NSD3: variants seen among roughly 807,000 people sequenced by gnomAD.
The protein encoded by NSD3 is histone-lysine N-methyltransferase NSD3.
A neutral mutation model predicts 160.8 loss-of-function variants in NSD3; 24 were observed. The observed-to-expected ratio is 0.15, with a 90% CI of 0.11 to 0.21. The LOEUF (loss-of-function observed/expected upper bound fraction) is 0.21, where lower values mean the gene tolerates loss of function less well. Among genes scored for constraint, NSD3 ranks in the 10% least tolerant of loss-of-function variants. NSD3 has a pLI of 1.00. For synonymous variants in NSD3, 520 were observed against 600.0 expected (o/e 0.87, Z 1.95); for missense variants, 1,157 against 1,735.9 (o/e 0.67, Z 5.93).
intron 1 of NSD3, among the ~76,000 whole-genome samples, chr8:38,370,792 T>G (rs150970278): frequency 6.6e-6 from 1 of 152,164 alleles, no homozygotes; most frequent in Admixed American, 6.5e-5. Context: ...GGATAAATTT[T>G]GGGTATGTGA....
At position 38,316,424 on chromosome 8, in the gene NSD3, C is replaced by A; in HGVS notation, c.1856-382G>T. On this transcript the variant is annotated intron_variant, in intron 9 of 23. Coordinates refer to ENST00000317025, the MANE Select transcript of NSD3 (RefSeq NM_023034.2). This position sits in a 1 kb window ranked among gnomAD's most constrained non-coding sequence, Gnocchi z 4.5. ...AAAACCCAACACACTGTGTAGCTTA[C>A]AAATATGGTTGCAGAGACATCTCCA... is the stretch of plus-strand genomic sequence containing the variant. The A allele has an allele frequency of 9.5e-7, 1 of 1,049,464 alleles. No homozygotes were observed. The highest frequency in any genetic ancestry group is 1.2e-6 in the Non-Finnish European group (1 of 868,870). 65.0% of individuals were successfully genotyped at this position (1,049,464 alleles called of 1,614,324 possible).
chr8:38,368,200 T>G (rs1209064168), intron 1 of NSD3, among the ~76,000 whole-genome samples: 1 of 152,188 alleles, frequency 6.6e-6, no homozygotes, highest in Non-Finnish European at 1.5e-5. Flanking sequence ...CCTCAGGTGA[T>G]CCACTCGCCT....
Position 38,321,288 on chromosome 8 carries a change from A to G in NSD3, c.1709-116T>C. On this transcript the variant is annotated intron_variant, in intron 7 of 23. Transcript: ENST00000317025. The surrounding 1 kb of genome is among the most constrained non-coding windows in gnomAD (Gnocchi z 4.7). ...CTTACCCATTACTTTTGGAATTTTA[A>G]TTAAAATCATTAAAAAATGCTAAAC... 1 of 700,678 alleles carries G rather than the reference A, an allele frequency of 1.4e-6. No homozygotes were observed. Among genetic ancestry groups the G allele is most frequent in the Non-Finnish European group, 2.3e-6 (1 of 438,770 alleles). The allele number at this position is 700,678 out of a possible 1,614,324, so 43.4% of individuals were successfully genotyped here. A position where few individuals can be genotyped will look rare whatever the true frequency, so the allele number is the denominator to read the frequency against.
chr8:38,369,231 A>G (rs1207603722), intron 1 of NSD3, among the ~76,000 whole-genome samples: 1 of 152,232 alleles, frequency 6.6e-6, no homozygotes, highest in African/African-American at 2.4e-5. Context: ...AATAAAAGTT[A>G]GAAAATTCAG....
intron 2 of NSD3, among the ~76,000 whole-genome samples, chr8:38,343,241 C>A (rs1325556079): frequency 6.6e-6 from 1 of 151,522 alleles, no homozygotes; most frequent in African/African-American, 2.4e-5. Flanking sequence ...AATTTCAAAG[C>A]CTTAATAATA....
At position 38,353,027 on chromosome 8, in the gene NSD3, C is replaced by T. The variant is rs191370412; in HGVS notation, c.-44-4812G>A. On this transcript the variant is annotated intron_variant, in intron 1 of 23. Coordinates refer to ENST00000317025, the MANE Select transcript of NSD3 (RefSeq NM_023034.2). ...TTCTAAGTGCTTGACATAAGTACTA[C>T]GTTTAATCCTCCCAACAACATTCAT... 3.9e-5 allele frequency among the ~76,000 whole-genome samples: 6 copies of T among 152,154 alleles called. No homozygotes were observed. In the South Asian group the frequency reaches 6.2e-4, roughly 16 times the overall value.
intron 10 of NSD3, 70 bp downstream of exon 10, chr8:38,315,842 C>T (rs1288581119): frequency 5.8e-6 from 9 of 1,547,722 alleles, no homozygotes; most frequent in Non-Finnish European, 7.8e-6. Flanking sequence ...TCCTGATTTC[C>T]CCAAATAAAT....
chr8:38,338,508 T>C (rs2150379295), intron 3 of NSD3, 28 bp downstream of exon 3: 2 of 1,578,962 alleles, frequency 1.3e-6, no homozygotes, highest in Middle Eastern at 1.7e-4. Context: ...CCATATTTGG[T>C]TAGACAGTAT....
rs1340929288 is a variant in NSD3 at position 38,274,955 on chromosome 8, C to T, written c.*686G>A. 9.8e-6 allele frequency: 2 copies of T among 203,442 alleles called. No homozygotes were observed. Among genetic ancestry groups the T allele is most frequent in the South Asian group, 1.9e-4 (1 of 5,280 alleles). 12.6% of individuals were successfully genotyped at this position (203,442 alleles called of 1,614,324 possible). ...CCAAGGAAACACACCATATACCCTT[C>T]TAGGTAAAGTTACCATAGTACAAAG... On this transcript the variant is annotated 3_prime_UTR_variant, in exon 24 of 24. Coordinates refer to ENST00000317025, the MANE Select transcript of NSD3 (RefSeq NM_023034.2).
At chr8:38,286,537 A>G (rs1808862595) in intron 19 of NSD3, among the ~76,000 whole-genome samples, 1 of 152,226 alleles carries the variant, frequency 6.6e-6, no homozygotes, top group Non-Finnish European at 1.5e-5. Context: ...GTGAGATAAT[A>G]AAATGTGTGT....
intron 1 of NSD3, among the ~76,000 whole-genome samples, chr8:38,369,008 C>T (rs1365655258): frequency 2.0e-5 from 3 of 152,142 alleles, no homozygotes; most frequent in Non-Finnish European, 2.9e-5. Flanking sequence ...CTTGTATCCT[C>T]CATTCCCCCA....
In NSD3 at chr8:38,373,404, CTAAT is replaced by C. The variant is rs536712900; in HGVS notation, c.-45+8391_-45+8394del. ...CGCCTAATTTTTGTATTTTCACTTC[CTAAT>C]TATTTGTTTATACTGTACATTCAAG... On this transcript the variant is annotated intron_variant, in intron 1 of 23. Transcript: ENST00000317025. Among the ~76,000 whole-genome samples, 10 of 152,110 alleles carry C rather than the reference CTAAT, an allele frequency of 6.6e-5. 1 individual carries two copies. The South Asian group carries it at 2.1e-3, about 32-fold the overall frequency.
At chr8:38,285,536 G>C (rs938179090) in intron 19 of NSD3, among the ~76,000 whole-genome samples, 3 of 152,200 alleles carry the variant, frequency 2.0e-5, no homozygotes, top group Non-Finnish European at 4.4e-5. Context: ...GCTAGCTAAA[G>C]AGCAGGAAAA....
chr8:38,351,148 A>AT (rs1227156908), intron 1 of NSD3, among the ~76,000 whole-genome samples: 64 of 142,014 alleles, frequency 4.5e-4, no homozygotes, highest in African/African-American at 9.3e-4. Context: ...TTTTTTTTGT[A>AT]TTTTTTTTTT....
intron 16 of NSD3, among the ~76,000 whole-genome samples, chr8:38,291,252 A>T: frequency 6.6e-6 from 1 of 152,202 alleles, no homozygotes; most frequent in East Asian, 1.9e-4. Context: ...GGAATAGTGG[A>T]CAGAATGAAA....
intron 12 of NSD3, among the ~76,000 whole-genome samples, chr8:38,306,849 T>G (rs1273044596): frequency 6.6e-6 from 1 of 152,096 alleles, no homozygotes. Flanking sequence ...GCGCGGTGGC[T>G]CATGCCTGTA....
At position 38,353,779 on chromosome 8, in the gene NSD3, G is replaced by A. The variant is rs1244959568; in HGVS notation, c.-44-5564C>T. Among the ~76,000 whole-genome samples, 4 of 152,136 alleles carry A rather than the reference G, an allele frequency of 2.6e-5. No individual in the cohort carries two copies. In the East Asian group the frequency reaches 7.7e-4, roughly 29 times the overall value. ...TCAAAACAACTCTGTCAGACTGACA[G>A]GGCAAGGTGTGCATTAACTTCATTT... On this transcript the variant is annotated intron_variant, in intron 1 of 23. Transcript: ENST00000317025.
chr8:38,305,389 C>T lies in NSD3; in HGVS notation c.2299G>A (p.Val767Ile). The change falls in exon 13 of 24, where the codon GTT (valine) becomes ATT (isoleucine). Residue 767 changes from valine (V) to isoleucine (I), a missense_variant. Coordinates refer to ENST00000317025, the MANE Select transcript of NSD3 (RefSeq NM_023034.2). ...VSGKDVKRCS[V>I]GACGKFYHEA... ...TGATAAAATTTCCCACAAGCACCAA[C>T]AGAACAACGCTTCACATCTTTACCA... 1.2e-6 allele frequency: 2 copies of T among 1,614,130 alleles called. No homozygotes were observed.
rs549544089 is a variant in NSD3, at chr8:38,310,772, A to C, written c.2242+3875T>G. Among the ~76,000 whole-genome samples, 3 of 151,882 alleles carry C rather than the reference A, an allele frequency of 2.0e-5. No individual in the cohort carries two copies. The East Asian group carries it at 5.8e-4, about 29-fold the overall frequency. On this transcript the variant is annotated intron_variant, in intron 12 of 23. Coordinates refer to ENST00000317025, the MANE Select transcript of NSD3 (RefSeq NM_023034.2). ...AGCAATCCGCTCGTCTTGGCTTCCC[A>C]AAATCCTTGGATTACAGGTGTGAGA...
Sources: gnomAD v4.1 joint callset for allele counts (sites outside exome capture counted in the v4.1 genomes callset) on GRCh38, gnomAD v4.1.1 for gene constraint, Gnocchi (gnomAD v3.1) non-coding constraint, MANE v1.5 for transcripts, NCBI Gene and HGNC (gene_info 2026-07-23, HGNC 2026-07-21) for gene names.